RORA: variants seen among roughly 807,000 people sequenced by gnomAD.
The protein encoded by RORA is nuclear receptor ROR-alpha.
Under a neutral mutation model 69.5 loss-of-function variants are expected in RORA, and 7 were observed. The ratio of observed to expected loss-of-function variants is 0.10; its 90% CI spans 0.06 to 0.19. The LOEUF (loss-of-function observed/expected upper bound fraction) is 0.19. Among genes scored for constraint, RORA ranks in the 10% least tolerant of loss-of-function variants. RORA has a pLI of 1.00. For missense variants in RORA, 457 were observed against 663.0 expected, an observed-to-expected ratio of 0.69 and a Z score of 3.41; for synonymous variants, 261 against 240.8, an observed-to-expected ratio of 1.08 and a Z score of -0.78.
intron 1 of RORA, among the ~76,000 whole-genome samples, chr15:60,781,683 TG>T (rs1349929300): frequency 1.1e-5 from 1 of 93,082 alleles, no homozygotes; most frequent in Non-Finnish European, 2.2e-5. Flanking sequence ...AGTGCCTCCC[TG>T]GGGTGGGGGG....
intron 1 of RORA, among the ~76,000 whole-genome samples, chr15:61,149,392 G>A (rs1031897868): frequency 6.6e-5 from 10 of 152,030 alleles, no homozygotes; most frequent in Admixed American, 1.3e-4. Flanking sequence ...ATCCTACAAC[G>A]AACTCATCAG....
At position 60,876,851 on chromosome 15, in the gene RORA, T is replaced by C. The variant is rs28454255; in HGVS notation, c.167-198165A>G. 3.9e-3 allele frequency among the ~76,000 whole-genome samples: 590 copies of C among 152,280 alleles called. 3 individuals carry two copies. Among genetic ancestry groups the C allele is most frequent in the African/African-American group, 0.013 (535 of 41,548 alleles). Reference sequence around the variant, plus strand: ...CACAATTCAAGATGCTAAGTGCTATTAAATTTTGTGGATATTGGACATATT... The same window carrying C: ...CACAATTCAAGATGCTAAGTGCTATCAAATTTTGTGGATATTGGACATATT... On this transcript the variant is annotated intron_variant, in intron 1 of 10. Transcript: ENST00000335670.
intron 1 of RORA, among the ~76,000 whole-genome samples, chr15:61,053,462 C>A (rs1267349818): frequency 1.3e-5 from 2 of 152,070 alleles, no homozygotes; most frequent in Non-Finnish European, 2.9e-5. Context: ...AGCGAGAAGG[C>A]ACGGGGTTGT....
chr15:61,187,106 C>A (rs1055547742), intron 1 of RORA, among the ~76,000 whole-genome samples: 2 of 152,248 alleles, frequency 1.3e-5, no homozygotes, highest in Non-Finnish European at 2.9e-5. Flanking sequence ...GTGCTTCTTT[C>A]AAAAGCGGCG....
At chr15:60,719,017 T>C (rs1267979762) in intron 1 of RORA, among the ~76,000 whole-genome samples, 1 of 138,184 alleles carries the variant, frequency 7.2e-6, no homozygotes, top group African/African-American at 2.8e-5. Context: ...AGATAATCAA[T>C]CAGCTTTGTG....
chr15:61,153,445 A>C (rs1156564021), intron 1 of RORA, among the ~76,000 whole-genome samples: 1 of 152,170 alleles, frequency 6.6e-6, no homozygotes, highest in African/African-American at 2.4e-5. Flanking sequence ...AGAGCCCAAC[A>C]CATTCAGAGA....
intron 1 of RORA, among the ~76,000 whole-genome samples, chr15:60,893,502 G>A (rs929278545): frequency 6.6e-6 from 1 of 152,048 alleles, no homozygotes; most frequent in Non-Finnish European, 1.5e-5. Flanking sequence ...TTTTCTTTAG[G>A]TGCCCACCTT....
At chr15:61,042,963 G>C (rs1410223593) in intron 1 of RORA, among the ~76,000 whole-genome samples, 1 of 152,212 alleles carries the variant, frequency 6.6e-6, no homozygotes, top group African/African-American at 2.4e-5. Context: ...GCAAGTTTAT[G>C]CATATCCTTC....
rs544688980 is a variant in RORA at position 61,105,001 on chromosome 15, C to CT, written c.166+124051_166+124052insA. Among the ~76,000 whole-genome samples the CT allele has an allele frequency of 5.6e-5, 8 of 143,396 alleles. 1 individual carries two copies. The highest frequency in any genetic ancestry group is 2.0e-4 in the African/African-American group (8 of 39,928). 94.1% of individuals were successfully genotyped at this position (143,396 alleles called of 152,430 possible). A position where few individuals can be genotyped will look rare whatever the true frequency, so the allele number is the denominator to read the frequency against. On this transcript the variant is annotated intron_variant, in intron 1 of 10. Coordinates refer to ENST00000335670, the MANE Select transcript of RORA (RefSeq NM_134261.3). ...TCTGCCATGATCATGAGGCGCCCCC[C>CT]CCACCGCCCAGCCACGTGGAACTCT...
intron 1 of RORA, among the ~76,000 whole-genome samples, chr15:60,716,396 C>G (rs941624838): frequency 1.1e-4 from 17 of 152,188 alleles, no homozygotes; most frequent in African/African-American, 3.9e-4. Context: ...AAGGAGACAG[C>G]CTGTTGCACT....
At chr15:61,141,005 A>G (rs1157325717) in intron 1 of RORA, among the ~76,000 whole-genome samples, 1 of 152,058 alleles carries the variant, frequency 6.6e-6, no homozygotes, top group Non-Finnish European at 1.5e-5. Context: ...AGAACCCTAA[A>G]TCCTACCAAC....
chr15:60,815,873 ATATTTATAC>A (rs2072803035), intron 1 of RORA, among the ~76,000 whole-genome samples: 1 of 147,362 alleles, frequency 6.8e-6, no homozygotes, highest in African/African-American at 2.5e-5. Context: ...TATATAAACT[ATATTTATAC>A]TATTTATATA....
chr15:60,746,752 C>T (rs958338433), intron 1 of RORA, among the ~76,000 whole-genome samples: 3 of 152,156 alleles, frequency 2.0e-5, no homozygotes, highest in Non-Finnish European at 2.9e-5. Flanking sequence ...ATGGATACTT[C>T]GTCTTGCATA....
intron 1 of RORA, among the ~76,000 whole-genome samples, chr15:60,957,146 C>T (rs910698434): frequency 6.6e-6 from 1 of 152,166 alleles, no homozygotes; most frequent in African/African-American, 2.4e-5. Context: ...TGAGTCAAGA[C>T]GATGGAGGAG....
intron 2 of RORA, among the ~76,000 whole-genome samples, chr15:60,584,206 G>A (rs1468781623): frequency 6.6e-6 from 1 of 152,170 alleles, no homozygotes; most frequent in East Asian, 1.9e-4. Flanking sequence ...ACCCCAGACT[G>A]ACAGAATCAA....
chr15:60,975,686 G>C (rs928789021), intron 1 of RORA, among the ~76,000 whole-genome samples: 1 of 152,134 alleles, frequency 6.6e-6, no homozygotes, highest in Non-Finnish European at 1.5e-5. Flanking sequence ...GTAATCATGC[G>C]TATGTGTGAG....
intron 1 of RORA, among the ~76,000 whole-genome samples, chr15:60,799,195 T>C (rs2140355938): frequency 6.6e-6 from 1 of 152,306 alleles, no homozygotes; most frequent in Admixed American, 6.5e-5. Context: ...CTTCTGTAAG[T>C]TATCCAATAA....
intron 1 of RORA, among the ~76,000 whole-genome samples, chr15:60,701,155 A>C (rs2070975874): frequency 6.6e-6 from 1 of 152,242 alleles, no homozygotes; most frequent in South Asian, 2.1e-4. Context: ...AGAATATAGA[A>C]CATCACTCCT....
At chr15:60,618,561 A>G (rs2069317301) in intron 2 of RORA, among the ~76,000 whole-genome samples, 1 of 152,190 alleles carries the variant, frequency 6.6e-6, no homozygotes, top group African/African-American at 2.4e-5. Context: ...TCACTATAAA[A>G]TATGTGAACA....
Sources: allele counts gnomAD v4.1 joint callset (sites outside exome capture counted in the v4.1 genomes callset), GRCh38; gene constraint gnomAD v4.1.1; transcripts MANE v1.5; gene names NCBI Gene and HGNC (gene_info 2026-07-23, HGNC 2026-07-21).